RANBP2: variants seen among roughly 807,000 people sequenced by gnomAD.
The protein encoded by RANBP2 is RAN binding protein 2.
In RANBP2, 57 loss-of-function variants were observed where a neutral mutation model predicts 303.6. The ratio of observed to expected loss-of-function variants is 0.19; its 90% confidence interval spans 0.15 to 0.23. The LOEUF (loss-of-function observed/expected upper bound fraction) is 0.23, where lower values mean the gene tolerates loss of function less well. Among genes scored for constraint, RANBP2 ranks in the 10% least tolerant of loss-of-function variants. The probability of loss-of-function intolerance (pLI) is 1.00; values close to 1 mark genes in which losing one functional copy is unlikely to be tolerated. For synonymous variants in RANBP2, 1,167 were observed against 1,301.5 expected (o/e 0.90, Z 2.23); for missense variants, 3,138 against 3,780.8 (o/e 0.83, Z 4.46).
chr2:109,182,384 A>G, the RANBP2 span, among the ~76,000 whole-genome samples: 14 of 152,338 alleles, frequency 9.2e-5, no homozygotes, highest in Admixed American at 7.2e-4. Context: ...TGAAGCCCTC[A>G]TGACCTAATC....
the RANBP2 span, among the ~76,000 whole-genome samples, chr2:109,212,241 TC>T: frequency 6.6e-6 from 1 of 152,062 alleles, no homozygotes; most frequent in African/African-American, 2.4e-5. Flanking sequence ...ACTCCTCACT[TC>T]CCTCCAACTC....
At chr2:109,305,041 G>C in the RANBP2 span, among the ~76,000 whole-genome samples, 1 of 152,178 alleles carries the variant, frequency 6.6e-6, no homozygotes, top group African/African-American at 2.4e-5. Context: ...CCCCAGCCTG[G>C]GTTTGTTGCG....
At chr2:109,696,762 G>A in the RANBP2 span, among the ~76,000 whole-genome samples, 1 of 152,006 alleles carries the variant, frequency 6.6e-6, no homozygotes, top group African/African-American at 2.4e-5. Flanking sequence ...CATGAACATG[G>A]TACACCTCTC....
the RANBP2 span, among the ~76,000 whole-genome samples, chr2:109,442,831 AT>A: frequency 8.5e-5 from 13 of 152,240 alleles, no homozygotes; most frequent in Non-Finnish European, 1.3e-4. Flanking sequence ...ATATAGTAGG[AT>A]GGTAGGTTTA....
the RANBP2 span, among the ~76,000 whole-genome samples, chr2:109,276,058 C>T: frequency 1.1e-4 from 16 of 152,094 alleles, no homozygotes; most frequent in African/African-American, 3.6e-4. Flanking sequence ...ACCCAGCAAC[C>T]CTTCATTCAG....
chr2:109,129,407 C>G, the RANBP2 span: 1 of 1,423,866 alleles, frequency 7.0e-7, no homozygotes, highest in African/African-American at 1.5e-5. Context: ...GCCCTAGCAT[C>G]GGGCCACCAG....
chr2:109,138,685 T>G, the RANBP2 span, among the ~76,000 whole-genome samples: 3 of 152,240 alleles, frequency 2.0e-5, no homozygotes, highest in Middle Eastern at 3.2e-3. Flanking sequence ...GCCTGCAGAC[T>G]GCAGCTGTAG....
At chr2:108,991,723 GT>G in the RANBP2 span, among the ~76,000 whole-genome samples, 1 of 152,208 alleles carries the variant, frequency 6.6e-6, no homozygotes. Flanking sequence ...ACACTCAGGG[GT>G]TGGTAAGAAT....
chr2:109,485,976 G>A, the RANBP2 span, among the ~76,000 whole-genome samples: 3 of 152,238 alleles, frequency 2.0e-5, no homozygotes, highest in Admixed American at 1.3e-4. Flanking sequence ...CCTGGAGCCA[G>A]CCAGACAGCT....
chr2:109,487,920 G>A, the RANBP2 span, among the ~76,000 whole-genome samples: 1 of 152,234 alleles, frequency 6.6e-6, no homozygotes, highest in Non-Finnish European at 1.5e-5. Context: ...CACGACCCCT[G>A]TACTTCCAAA....
chr2:109,615,540 C>T, the RANBP2 span: 1 of 1,613,978 alleles, frequency 6.2e-7, no homozygotes, highest in Non-Finnish European at 8.5e-7. Context: ...GGCAGCCATG[C>T]ACGGCCACGT....
chr2:109,347,060 C>T, the RANBP2 span, among the ~76,000 whole-genome samples: 4 of 152,186 alleles, frequency 2.6e-5, no homozygotes, highest in Non-Finnish European at 4.4e-5. Flanking sequence ...GTGGAACGCT[C>T]AGCACGACGG....
chr2:108,958,083 C>T, the RANBP2 span, among the ~76,000 whole-genome samples: 14 of 152,098 alleles, frequency 9.2e-5, no homozygotes, highest in African/African-American at 3.1e-4. Context: ...TGAGCCTCAC[C>T]CTCATTATCA....
At chr2:109,465,228 G>A in the RANBP2 span, among the ~76,000 whole-genome samples, 1 of 152,142 alleles carries the variant, frequency 6.6e-6, no homozygotes, top group Non-Finnish European at 1.5e-5. Flanking sequence ...ACTTACCAAA[G>A]GACATCTTAG....
At chr2:109,708,415 T>C in the RANBP2 span, among the ~76,000 whole-genome samples, 2 of 151,594 alleles carry the variant, frequency 1.3e-5, no homozygotes, top group African/African-American at 4.9e-5. Context: ...CCCAGCACTT[T>C]AGAAGGCAGA....
chr2:109,033,558 G>A, the RANBP2 span, among the ~76,000 whole-genome samples: 1 of 152,190 alleles, frequency 6.6e-6, no homozygotes, highest in African/African-American at 2.4e-5. Context: ...AAAGATAACA[G>A]TGTGTAAGAA....
chr2:109,464,157 C>T, the RANBP2 span, among the ~76,000 whole-genome samples: 3 of 152,184 alleles, frequency 2.0e-5, no homozygotes. Context: ...GGGACAAGAG[C>T]TCACCACTTA....
the RANBP2 span, among the ~76,000 whole-genome samples, chr2:109,002,412 C>T: frequency 1.3e-5 from 2 of 152,360 alleles, no homozygotes; most frequent in African/African-American, 4.8e-5. Flanking sequence ...GCTTTGGCTT[C>T]TCCCAATGTC....
the RANBP2 span, chr2:109,545,459 C>G: frequency 9.2e-5 from 142 of 1,536,174 alleles, no homozygotes; most frequent in African/African-American, 1.8e-3. Flanking sequence ...GCCCTCTCTA[C>G]CTTTCTCTGC....
Sources: gnomAD v4.1 joint callset for allele counts (sites outside exome capture counted in the v4.1 genomes callset) on GRCh38, gnomAD v4.1.1 for gene constraint, MANE v1.5 for transcripts, NCBI Gene and HGNC (gene_info 2026-07-23, HGNC 2026-07-21) for gene names.